The following MCC variants were observed in gnomAD, a reference collection of about 807,000 sequenced individuals.
MCC encodes colorectal mutant cancer protein.
A neutral mutation model predicts 116.2 loss-of-function variants in MCC; 90 were observed. That is an observed-to-expected ratio of 0.77 (90% CI 0.65 to 0.92). The LOEUF (loss-of-function observed/expected upper bound fraction) is 0.92, where lower values mean the gene tolerates loss of function less well. MCC is among the 40% of genes least tolerant of loss of function. The pLI, the probability that MCC is intolerant of heterozygous loss-of-function variation, is 0.00. For synonymous variants in MCC, 578 were observed against 510.5 expected, an observed-to-expected ratio of 1.13 and a Z score of -1.78; for missense variants, 1,516 against 1,312.2, an observed-to-expected ratio of 1.16 and a Z score of -2.40.
chr5:113,091,798 T>G (rs933777028), intron 8 of MCC, among the ~76,000 whole-genome samples: 3 of 152,010 alleles, frequency 2.0e-5, no homozygotes, highest in Non-Finnish European at 2.9e-5. Context: ...GGTGGGAGGA[T>G]TGCTTGAGCC....
intron 2 of MCC, among the ~76,000 whole-genome samples, chr5:113,358,910 C>A (rs779736353): frequency 3.3e-5 from 5 of 152,144 alleles, no homozygotes; most frequent in Non-Finnish European, 7.3e-5. Flanking sequence ...CTAGCATCGT[C>A]CACTACAAAT....
At chr5:113,202,454 G>A (rs911716831) in intron 3 of MCC, among the ~76,000 whole-genome samples, 1 of 152,072 alleles carries the variant, frequency 6.6e-6, no homozygotes, top group African/African-American at 2.4e-5. Flanking sequence ...TCCAGTTACC[G>A]CCAGCTGCCT....
chr5:113,460,076 G>C (rs368047772), intron 1 of MCC, among the ~76,000 whole-genome samples: 1 of 152,146 alleles, frequency 6.6e-6, no homozygotes, highest in Non-Finnish European at 1.5e-5. Context: ...TCCCTTGTAT[G>C]AAAACAGATG....
chr5:113,044,376 A>T, intron 16 of MCC: 1 of 486,366 alleles, frequency 2.1e-6, no homozygotes, highest in Non-Finnish European at 2.7e-6. Context: ...TCCTATAGTT[A>T]AGACTATTCA....
At chr5:113,354,346 A>G (rs1768355712) in intron 2 of MCC, among the ~76,000 whole-genome samples, 1 of 152,210 alleles carries the variant, frequency 6.6e-6, no homozygotes, top group African/African-American at 2.4e-5. Context: ...AAAACTGGAA[A>G]CATCTGGTGA....
At chr5:113,202,701 A>G (rs1036840381) in intron 3 of MCC, among the ~76,000 whole-genome samples, 1 of 151,294 alleles carries the variant, frequency 6.6e-6, no homozygotes, top group Admixed American at 6.6e-5. Flanking sequence ...ATCAGACTTT[A>G]TGACTTCTGT....
chr5:113,028,784 A>AC, intron 18 of MCC, 150 bp downstream of exon 18: 1 of 837,256 alleles, frequency 1.2e-6, no homozygotes, highest in South Asian at 2.1e-5. Context: ...CCAGGCTCTT[A>AC]GAGAGCCAGG....
intron 3 of MCC, among the ~76,000 whole-genome samples, chr5:113,255,664 T>G (rs1455815653): frequency 6.6e-6 from 1 of 152,218 alleles, no homozygotes; most frequent in Non-Finnish European, 1.5e-5. Flanking sequence ...TCTTTTACCT[T>G]CAGCCTTAGG....
intron 3 of MCC, among the ~76,000 whole-genome samples, chr5:113,190,653 A>C (rs750522931): frequency 1.1e-4 from 16 of 152,192 alleles, no homozygotes; most frequent in Non-Finnish European, 1.5e-4. Context: ...GGTGGGGTGA[A>C]GAGCAGGAGC....
intron 14 of MCC, among the ~76,000 whole-genome samples, chr5:113,056,275 T>C (rs987974622): frequency 2.0e-5 from 3 of 152,128 alleles, no homozygotes; most frequent in African/African-American, 7.2e-5. Context: ...AAGGAATAAA[T>C]GAGGTAAAAT....
chr5:113,280,125 C>T lies in MCC; in HGVS notation c.627+60394G>A, dbSNP rs546959778. On this transcript the variant is annotated intron_variant, in intron 3 of 18. Transcript: ENST00000408903. ...GGACACCCAGAGCCAAGTTCAGATA[C>T]TCTCATGTAATCTGGCTGGAAACAA... Among the ~76,000 whole-genome samples the T allele has an allele frequency of 3.9e-5, 6 of 152,306 alleles. No homozygotes were observed. The South Asian group carries it at 1.0e-3, about 26-fold the overall frequency.
chr5:113,451,321 G>A (rs1206186301), intron 1 of MCC, among the ~76,000 whole-genome samples: 1 of 152,232 alleles, frequency 6.6e-6, no homozygotes, highest in Non-Finnish European at 1.5e-5. Context: ...TAACGATTTA[G>A]CAACTAGCAT....
At chr5:113,044,012 C>T (rs1470518549) in intron 16 of MCC, among the ~76,000 whole-genome samples, 5 of 152,202 alleles carry the variant, frequency 3.3e-5, no homozygotes, top group Admixed American at 6.5e-5. Flanking sequence ...AGAAGTTATG[C>T]GGCCCAGTCA....
chr5:113,449,193 T>C (rs1771311996), intron 1 of MCC, among the ~76,000 whole-genome samples: 1 of 152,216 alleles, frequency 6.6e-6, no homozygotes, highest in African/African-American at 2.4e-5. Flanking sequence ...GCCAATTTGA[T>C]ATTCTTCAGC....
chr5:113,036,828 C>G (rs1382996164), intron 17 of MCC, among the ~76,000 whole-genome samples: 1 of 152,186 alleles, frequency 6.6e-6, no homozygotes, highest in African/African-American at 2.4e-5. Flanking sequence ...ACAACCCCTC[C>G]ATCCCTTGAG....
At chr5:113,223,855 T>C (rs1763639701) in intron 3 of MCC, among the ~76,000 whole-genome samples, 1 of 152,096 alleles carries the variant, frequency 6.6e-6, no homozygotes, top group African/African-American at 2.4e-5. Context: ...TTTCAGTACA[T>C]CTAGCCCAAA....
At chr5:113,480,950 A>AT (rs1772362705) in intron 1 of MCC, among the ~76,000 whole-genome samples, 2 of 151,470 alleles carry the variant, frequency 1.3e-5, no homozygotes, top group African/African-American at 2.4e-5. Flanking sequence ...AATTTTTGTA[A>AT]TTTTTTTGTA....
In MCC at chr5:113,022,141, T is replaced by C. The variant is rs1296338626; in HGVS notation, c.*5161A>G. 1.3e-5 allele frequency: 2 copies of C among 152,600 alleles called. No homozygotes were observed. Among genetic ancestry groups the C allele is most frequent in the African/African-American group, 4.8e-5 (2 of 41,456 alleles). 9.5% of individuals were successfully genotyped at this position (152,600 alleles called of 1,614,324 possible). A position where few individuals can be genotyped will look rare whatever the true frequency, so the allele number is the denominator to read the frequency against. On this transcript the variant is annotated 3_prime_UTR_variant, in exon 19 of 19. Transcript: ENST00000408903. ...AATATTTATTCAGAATATAAGAATGTTTGTAAAATATTATAAATGTCTCTG... is the reference window on the plus strand; with the variant it reads ...AATATTTATTCAGAATATAAGAATGCTTGTAAAATATTATAAATGTCTCTG...
chr5:113,297,418 T>C (rs1766741164), intron 3 of MCC, among the ~76,000 whole-genome samples: 1 of 151,618 alleles, frequency 6.6e-6, no homozygotes, highest in Non-Finnish European at 1.5e-5. Context: ...TAGAAAAAAT[T>C]AGCTGGGCGT....
Sources: allele counts gnomAD v4.1 joint callset (sites outside exome capture counted in the v4.1 genomes callset), GRCh38; gene constraint gnomAD v4.1.1; transcripts MANE v1.5; gene names NCBI Gene and HGNC (gene_info 2026-07-23, HGNC 2026-07-21).